The following PAFAH1B1 variants were observed in gnomAD, a reference collection of about 807,000 sequenced individuals.
PAFAH1B1 encodes platelet-activating factor acetylhydrolase IB subunit beta.
Under a neutral mutation model 57.5 loss-of-function variants are expected in PAFAH1B1, and 2 were observed. The observed-to-expected ratio is 0.03, with a 90% CI of 0.01 to 0.11. PAFAH1B1 has a LOEUF of 0.11. Ranked by LOEUF, PAFAH1B1 falls within the 10% of genes least tolerant of loss-of-function variation. The pLI is 1.00. For synonymous variants in PAFAH1B1, 152 were observed against 169.6 expected (o/e 0.90, Z 0.81); for missense variants, 257 against 512.0 (o/e 0.50, Z 4.81).
At chr17:2,655,851 T>C (rs1247628281) in intron 2 of PAFAH1B1, among the ~76,000 whole-genome samples, 1 of 152,156 alleles carries the variant, frequency 6.6e-6, no homozygotes, top group African/African-American at 2.4e-5. Context: ...GAAAGTTATA[T>C]GCTGAGTAGC....
chr17:2,611,324 C>T lies in PAFAH1B1; in HGVS notation c.-191+17318C>T, dbSNP rs545814088. 3.9e-4 allele frequency among the ~76,000 whole-genome samples: 59 copies of T among 151,830 alleles called. 1 individual carries two copies. The highest frequency in any genetic ancestry group is 1.4e-3 in the African/African-American group (57 of 41,418). On this transcript the variant is annotated intron_variant, in intron 1 of 10. Transcript: ENST00000397195. ...CTCTACTAAAAATACAAAAATTAAC[C>T]GAGCATGGTTGTGTGCGCCTGTAGT...
chr17:2,666,928 T>C, intron 4 of PAFAH1B1, 64 bp from the exon 5 acceptor site: 1 of 1,327,250 alleles, frequency 7.5e-7, no homozygotes, highest in Non-Finnish European at 1.1e-6. Flanking sequence ...AGGCAGTTTT[T>C]TAAAATGTCA....
At chr17:2,629,048 C>G (rs1011508311) in intron 1 of PAFAH1B1, among the ~76,000 whole-genome samples, 1 of 152,008 alleles carries the variant, frequency 6.6e-6, no homozygotes, top group African/African-American at 2.4e-5. Context: ...CAGCTTGTTT[C>G]ATTTATCTTT....
rs556636713 is a variant in PAFAH1B1, at chr17:2,681,816, G to A, written c.*14G>A. 1.1e-5 allele frequency: 17 copies of A among 1,602,240 alleles called. No homozygotes were observed. Among genetic ancestry groups the A allele is most frequent in the African/African-American group, 6.7e-5 (5 of 74,698 alleles). On this transcript the variant is annotated 3_prime_UTR_variant, in exon 11 of 11. Coordinates refer to ENST00000397195, the MANE Select transcript of PAFAH1B1 (RefSeq NM_000430.4). ...GAGTGCCGTTGATTGTGTCTCCTTCGGCCCCTCCTCCCTCTTTTCCTCTGG... is the reference window on the plus strand; with the variant it reads ...GAGTGCCGTTGATTGTGTCTCCTTCAGCCCCTCCTCCCTCTTTTCCTCTGG...
chr17:2,644,329 G>A (rs1002333298), intron 2 of PAFAH1B1, among the ~76,000 whole-genome samples: 1 of 152,006 alleles, frequency 6.6e-6, no homozygotes, highest in Non-Finnish European at 1.5e-5. Context: ...ATGACCTTAG[G>A]TCAGGAGTCC....
intron 1 of PAFAH1B1, among the ~76,000 whole-genome samples, chr17:2,622,053 G>A (rs1389370042): frequency 6.6e-6 from 1 of 152,098 alleles, no homozygotes; most frequent in Non-Finnish European, 1.5e-5. Context: ...AGAATAGCAT[G>A]GGAAAGACCA....
At chr17:2,611,265 C>T (rs183230575) in intron 1 of PAFAH1B1, among the ~76,000 whole-genome samples, 1,837 of 151,992 alleles carry the variant, frequency 0.012, 35 homozygotes, top group African/African-American at 0.042. Context: ...GTCAGGAGTT[C>T]GAGACCAGCC....
intron 1 of PAFAH1B1, among the ~76,000 whole-genome samples, chr17:2,605,833 A>G (rs1166585782): frequency 6.6e-6 from 1 of 152,230 alleles, no homozygotes; most frequent in Non-Finnish European, 1.5e-5. Context: ...GGTACCTAGA[A>G]CATAGTAAGT....
At chr17:2,657,653 A>G (rs1050223837) in intron 2 of PAFAH1B1, among the ~76,000 whole-genome samples, 2 of 152,126 alleles carry the variant, frequency 1.3e-5, no homozygotes, top group African/African-American at 4.8e-5. Flanking sequence ...AATACTTACT[A>G]TTTCCTTTAA....
At chr17:2,680,407 G>GT (rs1248578082) in intron 10 of PAFAH1B1, 87 bp downstream of exon 10, 11 of 1,193,702 alleles carry the variant, frequency 9.2e-6, no homozygotes, top group Non-Finnish European at 1.4e-5. Flanking sequence ...ACTTTGCCAG[G>GT]TAAGAAATGA....
chr17:2,602,375 T>C (rs1400138768), intron 1 of PAFAH1B1, among the ~76,000 whole-genome samples: 1 of 152,104 alleles, frequency 6.6e-6, no homozygotes, highest in Non-Finnish European at 1.5e-5. Flanking sequence ...ACAGAAGACA[T>C]CTAGGATCCA....
chr17:2,669,961 T>C (rs1034841577), intron 5 of PAFAH1B1, among the ~76,000 whole-genome samples: 1 of 152,210 alleles, frequency 6.6e-6, no homozygotes, highest in Non-Finnish European at 1.5e-5. Context: ...TAGAGATAGA[T>C]TTTAATAATT....
Position 2,593,922 on chromosome 17 carries a change from C to A in PAFAH1B1, c.-275C>A. 2.7e-6 allele frequency: 1 copy of A among 374,606 alleles called. No homozygotes were observed. Among genetic ancestry groups the A allele is most frequent in the Non-Finnish European group, 4.7e-6 (1 of 211,756 alleles). 23.2% of individuals were successfully genotyped at this position (374,606 alleles called of 1,614,324 possible). On this transcript the variant is annotated 5_prime_UTR_variant, in exon 1 of 11. Transcript: ENST00000397195. ...TCCTTCCCTCCCTCCCTCCTTCCTC[C>A]CTCCCCTCTCCCTCCCCCTCCCCCG...
intron 2 of PAFAH1B1, chr17:2,642,427 A>G (rs1233296637): frequency 3.3e-5 from 5 of 152,218 alleles, no homozygotes; most frequent in African/African-American, 1.2e-4. Flanking sequence ...TCAGAAAAAA[A>G]TAAATAAAAT....
chr17:2,669,206 T>A (rs2069147248), intron 5 of PAFAH1B1, among the ~76,000 whole-genome samples: 1 of 152,142 alleles, frequency 6.6e-6, no homozygotes, highest in African/African-American at 2.4e-5. Flanking sequence ...AGAATTTTTT[T>A]ATATTAAAAA....
chr17:2,619,081 C>T (rs1042226828), intron 1 of PAFAH1B1, among the ~76,000 whole-genome samples: 1 of 151,670 alleles, frequency 6.6e-6, no homozygotes, highest in Non-Finnish European at 1.5e-5. Context: ...TATAAGAAAG[C>T]ATGTCTCAAG....
At chr17:2,664,717 AAAAC>A (rs2069080882) in intron 2 of PAFAH1B1, among the ~76,000 whole-genome samples, 1 of 142,766 alleles carries the variant, frequency 7.0e-6, no homozygotes, top group East Asian at 2.0e-4. Context: ...TATAAAGCCC[AAAAC>A]ATTTTTGGTC....
intron 2 of PAFAH1B1, among the ~76,000 whole-genome samples, chr17:2,660,400 C>T (rs2068998765): frequency 6.6e-6 from 1 of 152,138 alleles, no homozygotes; most frequent in South Asian, 2.1e-4. Flanking sequence ...TCCCTCCCCT[C>T]AACCCCCACC....
rs929096077 is a variant in PAFAH1B1 at position 2,607,891 on chromosome 17, A to G, written c.-191+13885A>G. The stretch of plus-strand genomic sequence containing the variant: ...AGCCCTTCGTTCCATATTTTTATGC[A>G]TTTACTATATTTGGGTGTATCTATA... On this transcript the variant is annotated intron_variant, in intron 1 of 10. Coordinates refer to ENST00000397195, the MANE Select transcript of PAFAH1B1 (RefSeq NM_000430.4). Among the ~76,000 whole-genome samples, 6 of 152,092 alleles carry G rather than the reference A, an allele frequency of 3.9e-5. No individual in the cohort carries two copies. The East Asian group carries it at 1.2e-3, about 29-fold the overall frequency.
Sources: gnomAD v4.1 joint callset for allele counts (sites outside exome capture counted in the v4.1 genomes callset) on GRCh38, gnomAD v4.1.1 for gene constraint, MANE v1.5 for transcripts, NCBI Gene and HGNC (gene_info 2026-07-23, HGNC 2026-07-21) for gene names.